Variants in TTN observed in about 807,000 individuals in gnomAD.
TTN encodes connectin.
Under a neutral mutation model 3,223.0 loss-of-function variants are expected in TTN, and 1,525 were observed. The ratio of observed to expected loss-of-function variants is 0.47; its 90% CI spans 0.45 to 0.49. The LOEUF (loss-of-function observed/expected upper bound fraction) is 0.49. TTN is among the 20% of genes least tolerant of loss of function. TTN has a pLI of 0.00. For missense variants in TTN, 40,786 were observed against 43,424.0 expected, an observed-to-expected ratio of 0.94 and a Z score of 5.40; for synonymous variants, 14,094 against 15,161.0, an observed-to-expected ratio of 0.93 and a Z score of 5.17.
intron 124 of TTN, 62 bp downstream of exon 124, chr2:178,689,228 C>T (rs2071705909): frequency 2.4e-5 from 38 of 1,598,210 alleles, no homozygotes; most frequent in Non-Finnish European, 3.2e-5. Flanking sequence ...GCACTCATAT[C>T]ACAAAACTAA....
Position 178,711,045 on chromosome 2 carries a change from T to C in TTN, c.28174+17A>G. On this transcript the variant is annotated intron_variant, in intron 97 of 362. Coordinates refer to ENST00000589042, the MANE Select transcript of TTN (RefSeq NM_001267550.2). ...AATACTTTAATTCTAGAAATGAAAG[T>C]TTAAGAATCCACAAACCTGTGAGAA... 1.3e-6 allele frequency: 2 copies of C among 1,556,604 alleles called. No individual in the cohort carries two copies. The highest frequency in any genetic ancestry group is 1.7e-6 in the Non-Finnish European group (2 of 1,156,112).
Position 178,706,658 on chromosome 2 carries a change from A to G in TTN, c.29216T>C (p.Leu9739Pro). Reference sequence around the variant, plus strand: ...GATGAAAACACGACCTCCTTGGTTCAGCTGTCTCCACTTCCCTTTTGTCCA... The same window carrying G: ...GATGAAAACACGACCTCCTTGGTTCGGCTGTCTCCACTTCCCTTTTGTCCA... Reference protein sequence around the residue: ...VKWTKGKWRQLNQGGRVFIHQ... With the variant: ...VKWTKGKWRQPNQGGRVFIHQ... The change falls in exon 102 of 363, where the codon CTG (leucine) becomes CCG (proline). Residue 9739 changes from leucine (L) to proline (P), a missense_variant. By Grantham distance (98) the Leu-to-Pro change is moderately conservative (BLOSUM62 -3). Transcript: ENST00000589042. The G allele has an allele frequency of 6.2e-7, 1 of 1,613,888 alleles. No individual in the cohort carries two copies. Among genetic ancestry groups the G allele is most frequent in the Non-Finnish European group, 8.5e-7 (1 of 1,179,826 alleles).
intron 111 of TTN, 33 bp downstream of exon 111, chr2:178,701,087 T>G (rs759058852): frequency 6.2e-7 from 1 of 1,601,030 alleles, no homozygotes; most frequent in South Asian, 1.1e-5. Context: ...GTGAAATTCT[T>G]ATTTCGACAT....
In TTN at chr2:178,548,398, C is replaced by T; in HGVS notation, c.93228G>A (p.Lys31076=). 1 of 1,613,856 alleles carries T rather than the reference C, an allele frequency of 6.2e-7. No homozygotes were observed. The highest frequency in any genetic ancestry group is 8.5e-7 in the Non-Finnish European group (1 of 1,179,806). Residue 31076 remains lysine, a synonymous_variant, in exon 339 of 363, where the codon AAG becomes AAA. Coordinates refer to ENST00000589042, the MANE Select transcript of TTN (RefSeq NM_001267550.2). This position sits in a 1 kb window ranked among gnomAD's most constrained non-coding sequence, Gnocchi z 4.3. ...ISEKCTRQIF[K]VNDLAEGVPY... ...GAACACCTTCGGCCAGGTCATTGAC[C>T]TTGAAGATCTGACGAGTGCATTTTT...
rs371114946 is a variant in TTN at position 178,722,475 on chromosome 2, G to A, written c.22312C>T (p.Leu7438Phe). Residue 7438 changes from leucine to phenylalanine, a missense_variant, in exon 77 of 363, where the codon CTC becomes TTC. Leu to Phe is a conservative substitution (Grantham distance 22, BLOSUM62 0). Coordinates refer to ENST00000589042, the MANE Select transcript of TTN (RefSeq NM_001267550.2). ...IEQTVGLPVTLTCRLNGSAPI... is the reference protein window; with the variant it reads ...IEQTVGLPVTFTCRLNGSAPI... ...GCAGAGCCATTTAATCGACAAGTGA[G>A]TGTAACAGGTAACCCCACAGTTTGT... 12 of 1,613,344 alleles carry A rather than the reference G, an allele frequency of 7.4e-6. No individual in the cohort carries two copies. In the African/African-American group the frequency reaches 1.6e-4, roughly 22 times the overall value.
At chr2:178,706,821 A>T in intron 101 of TTN, 41 bp downstream of exon 101, 1 of 1,609,508 alleles carries the variant, frequency 6.2e-7, no homozygotes, top group Non-Finnish European at 8.5e-7. Flanking sequence ...AGTAAAAGGT[A>T]TAAGATAGAT....
chr2:178,573,298 A>T lies in TTN; in HGVS notation c.72834T>A (p.Thr24278=). The stretch of plus-strand genomic sequence containing the variant: ...GTCCAGACACTTTATATCTTAAATC[A>T]GTAAGAGTTTTTTTGTTGCATTTAA... ...RWIKCNKKTL[T]DLRYKVSGLT... Residue 24278 remains threonine (T), a synonymous_variant, in exon 326 of 363, where the codon ACT becomes ACA. Coordinates refer to ENST00000589042, the MANE Select transcript of TTN (RefSeq NM_001267550.2). 1 of 1,583,488 alleles carries T rather than the reference A, an allele frequency of 6.3e-7. No individual in the cohort carries two copies. Among genetic ancestry groups the T allele is most frequent in the Non-Finnish European group, 8.6e-7 (1 of 1,164,608 alleles).
Position 178,542,878 on chromosome 2 carries a change from G to C in TTN, c.96976C>G (p.Leu32326Val), listed in dbSNP as rs752927644. ...GGACGGCCAGCAATAGGTATCACCAGCTCTACTGGTCTGCCAGCTGGGACA... is the reference window on the plus strand; with the variant it reads ...GGACGGCCAGCAATAGGTATCACCACCTCTACTGGTCTGCCAGCTGGGACA... ...IHVPAGRPVE[L>V]VIPIAGRPPP... Residue 32326 changes from leucine to valine, a missense_variant, in exon 348 of 363, where the codon CTG becomes GTG. By Grantham distance (32) the Leu-to-Val change is conservative. Transcript: ENST00000589042. 2.5e-6 allele frequency: 4 copies of C among 1,613,654 alleles called. No individual in the cohort carries two copies. Among genetic ancestry groups the C allele is most frequent in the East Asian group, 4.5e-5 (2 of 44,878 alleles).
Position 178,733,910 on chromosome 2 carries a change from G to A in TTN, c.15497-18C>T, listed in dbSNP as rs2080979800. 1 of 1,565,854 alleles carries A rather than the reference G, an allele frequency of 6.4e-7. No homozygotes were observed. Among genetic ancestry groups the A allele is most frequent in the Non-Finnish European group, 8.7e-7 (1 of 1,155,334 alleles). The stretch of plus-strand genomic sequence containing the variant: ...TGGAGGTTCTAGTTAAGGAAAGAGA[G>A]CATATAAAACATATCAATTCCCAAA... On this transcript the variant is annotated intron_variant, in intron 52 of 362. Transcript: ENST00000589042.
At chr2:178,742,779 GTAGTTTTATTGCCT>G (rs2082725889) in intron 47 of TTN, 1 of 152,016 alleles carries the variant, frequency 6.6e-6, no homozygotes, top group Non-Finnish European at 1.5e-5. Flanking sequence ...CCTGTTATTA[GTAGTTTTATTGCCT>G]TAGCAAAAGG....
chr2:178,695,541 C>A, intron 114 of TTN, 131 bp from the exon 115 acceptor site: 1 of 684,860 alleles, frequency 1.5e-6, no homozygotes, highest in Non-Finnish European at 2.4e-6. Context: ...TCGTTATTAC[C>A]AACACAATTC....
Position 178,728,493 on chromosome 2 carries a change from T to C in TTN, c.19426+7A>G, listed in dbSNP as rs756760290. 1.4e-5 allele frequency: 22 copies of C among 1,600,688 alleles called. No homozygotes were observed. The highest frequency in any genetic ancestry group is 1.7e-5 in the Non-Finnish European group (20 of 1,171,272). On this transcript the variant is annotated splice_region_variant and intron_variant, in intron 66 of 362. Coordinates refer to ENST00000589042, the MANE Select transcript of TTN (RefSeq NM_001267550.2). The stretch of plus-strand genomic sequence containing the variant: ...TAAGGGAAGCTGACTGGGGTGAAGA[T>C]ACAAACCTAGCACTCTTAAGTAGGC...
At chr2:178,584,044 A>C in intron 311 of TTN, 138 bp from the exon 312 acceptor site, 1 of 1,118,472 alleles carries the variant, frequency 8.9e-7, no homozygotes, top group Non-Finnish European at 1.2e-6. Flanking sequence ...CCGTCCAACT[A>C]GTATGCACTT....
chr2:178,720,977 C>T lies in TTN; in HGVS notation c.23042G>A (p.Cys7681Tyr), dbSNP rs573529663. Residue 7681 changes from cysteine (C) to tyrosine (Y), a missense_variant, in exon 79 of 363, where the codon TGT (cysteine) becomes TAT (tyrosine). Cys to Tyr is a radical substitution (Grantham distance 194, BLOSUM62 -2). Coordinates refer to ENST00000589042, the MANE Select transcript of TTN (RefSeq NM_001267550.2). ...ASAEDSGDYI[C>Y]EAHNGVGDAS... is the part of the protein sequence containing the mutation. ...GTCACCAACACCATTATGAGCCTCA[C>T]AAATGTAGTCCCCGCTGTCTTCAGC... 1.2e-6 allele frequency: 2 copies of T among 1,608,952 alleles called. No individual in the cohort carries two copies. The highest frequency in any genetic ancestry group is 1.7e-6 in the Non-Finnish European group (2 of 1,175,738).
intron 65 of TTN, 54 bp downstream of exon 65, chr2:178,728,837 C>T (rs2079844037): frequency 6.4e-7 from 1 of 1,572,426 alleles, no homozygotes; most frequent in Non-Finnish European, 8.6e-7. Flanking sequence ...GAAATAATGT[C>T]TGCTAATGAA....
intron 47 of TTN, chr2:178,752,097 T>G: frequency 1.3e-6 from 2 of 1,500,606 alleles, no homozygotes; most frequent in East Asian, 4.5e-5. Flanking sequence ...AAGTTGAAAG[T>G]AAATAAAATT....
chr2:178,752,559 A>G (rs1429926814), intron 47 of TTN, among the ~76,000 whole-genome samples: 1 of 152,106 alleles, frequency 6.6e-6, no homozygotes, highest in African/African-American at 2.4e-5. Flanking sequence ...TCACAATGTT[A>G]TGCAAAGAAA....
At chr2:178,729,235 T>C (rs2079937016) in intron 64 of TTN, 53 bp downstream of exon 64, 1 of 1,552,890 alleles carries the variant, frequency 6.4e-7, no homozygotes, top group Non-Finnish European at 8.7e-7. Context: ...AATGATAAGA[T>C]TTAAAAGCGT....
rs763528740 is a variant in TTN at position 178,539,161 on chromosome 2, C to T, written c.98774G>A (p.Gly32925Asp). Residue 32925 changes from glycine to aspartate, a missense_variant, in exon 353 of 363, where the codon GGT (glycine) becomes GAT (aspartate). Physicochemically the swap from Gly to Asp is moderately conservative, Grantham distance 94. Coordinates refer to ENST00000589042, the MANE Select transcript of TTN (RefSeq NM_001267550.2). ...GTAGTAGCCTGTGACTCTAGAACCA[C>T]CATCATCTTTGGGCCGGGACCAGGA... is the stretch of plus-strand genomic sequence containing the variant. ...SLSWSRPKDD[G>D]GSRVTGYYIE... 11 of 1,613,642 alleles carry T rather than the reference C, an allele frequency of 6.8e-6. No individual in the cohort carries two copies. The highest frequency in any genetic ancestry group is 1.1e-5 in the South Asian group (1 of 91,088).
Sources: allele counts gnomAD v4.1 joint callset (sites outside exome capture counted in the v4.1 genomes callset), GRCh38; gene constraint gnomAD v4.1.1; non-coding constraint Gnocchi (gnomAD v3.1); transcripts MANE v1.5; gene names NCBI Gene and HGNC (gene_info 2026-07-23, HGNC 2026-07-21).